Variants in WDHD1 observed in about 807,000 individuals in gnomAD.
WDHD1 encodes the protein WD repeat and HMG-box DNA binding protein 1, also known as WD repeat and HMG-box DNA-binding protein 1.
Under a neutral mutation model 135.4 loss-of-function variants are expected in WDHD1, and 111 were observed. The ratio of observed to expected loss-of-function variants is 0.82; its 90% CI spans 0.70 to 0.96. The LOEUF (loss-of-function observed/expected upper bound fraction) is 0.96, where lower values mean the gene tolerates loss of function less well. Ranked by LOEUF, WDHD1 falls within the 40% of genes least tolerant of loss-of-function variation. The pLI, the probability that WDHD1 is intolerant of heterozygous loss-of-function variation, is 0.00. For missense variants in WDHD1, 1,351 were observed against 1,336.3 expected (o/e 1.01, Z -0.17); for synonymous variants, 434 against 439.0 (o/e 0.99, Z 0.14).
intron 24 of WDHD1, among the ~76,000 whole-genome samples, chr14:54,953,416 A>G (rs2041096645): frequency 6.6e-6 from 1 of 152,224 alleles, no homozygotes; most frequent in Non-Finnish European, 1.5e-5. Context: ...TCAAAACCAC[A>G]GTGAGAAACC....
intron 5 of WDHD1, 53 bp from the exon 6 acceptor site, chr14:55,008,419 G>C (rs552298570): frequency 3.6e-4 from 561 of 1,560,562 alleles, no homozygotes; most frequent in Non-Finnish European, 4.6e-4. Flanking sequence ...ATACTACATG[G>C]AAAGTGGTTC....
In WDHD1 at chr14:55,011,524, C is replaced by CAAAA. The variant is rs60615259; in HGVS notation, c.190-1068_190-1065dup. On this transcript the variant is annotated intron_variant, in intron 3 of 25. Transcript: ENST00000360586. ...AGGCAACAAGAGTGAAACTCTGTCT[C>CAAAA]AAAAAAAAAAAAAAAAAAAAAAAAA... is the stretch of plus-strand genomic sequence containing the variant. 5.7e-3 allele frequency among the ~76,000 whole-genome samples: 289 copies of CAAAA among 50,972 alleles called. 43 individuals are homozygous for CAAAA. The highest frequency in any genetic ancestry group is 0.014 in the African/African-American group (170 of 12,330). 33.4% of individuals were successfully genotyped at this position (50,972 alleles called of 152,430 possible).
chr14:55,016,237 G>C (rs1054961720), intron 2 of WDHD1, among the ~76,000 whole-genome samples: 2 of 152,044 alleles, frequency 1.3e-5, no homozygotes, highest in African/African-American at 4.8e-5. Context: ...TTTATTGATT[G>C]CTATGCTTTT....
At chr14:55,019,757 T>C (rs2042315479) in intron 2 of WDHD1, among the ~76,000 whole-genome samples, 1 of 152,112 alleles carries the variant, frequency 6.6e-6, no homozygotes, top group South Asian at 2.1e-4. Flanking sequence ...TGATCCCAGC[T>C]ACTTGGGAGG....
At chr14:54,957,767 TAAC>T in intron 21 of WDHD1, 132 bp from the exon 22 acceptor site, 1 of 670,798 alleles carries the variant, frequency 1.5e-6, no homozygotes, top group Non-Finnish European at 2.5e-6. Context: ...TCAAAACTAT[TAAC>T]AACAGATATC....
At chr14:54,964,595 C>T (rs549200128) in intron 18 of WDHD1, among the ~76,000 whole-genome samples, 23 of 151,176 alleles carry the variant, frequency 1.5e-4, no homozygotes, top group Non-Finnish European at 2.5e-4. Flanking sequence ...GCAGAGATCG[C>T]GCCACTGCAC....
intron 8 of WDHD1, among the ~76,000 whole-genome samples, chr14:55,001,552 T>C (rs2041981178): frequency 6.6e-6 from 1 of 152,196 alleles, no homozygotes. Flanking sequence ...CATGAGCCAC[T>C]GTGCCCAGCC....
At chr14:54,981,480 A>G (rs2041617917) in intron 16 of WDHD1, 60 bp downstream of exon 16, 2 of 1,535,212 alleles carry the variant, frequency 1.3e-6, no homozygotes, top group Admixed American at 1.9e-5. Context: ...GGGCCTCATA[A>G]AAAGAATTTC....
chr14:54,965,581 T>C (rs2041327200), intron 18 of WDHD1, among the ~76,000 whole-genome samples: 1 of 152,184 alleles, frequency 6.6e-6, no homozygotes, highest in Non-Finnish European at 1.5e-5. Flanking sequence ...CGTTAAAACA[T>C]AGACTGATGG....
At chr14:55,018,819 G>A (rs910180373) in intron 2 of WDHD1, among the ~76,000 whole-genome samples, 1 of 152,028 alleles carries the variant, frequency 6.6e-6, no homozygotes, top group Non-Finnish European at 1.5e-5. Context: ...ACTTTGGGAG[G>A]CGAGACCAGC....
intron 2 of WDHD1, among the ~76,000 whole-genome samples, chr14:55,014,740 CA>C (rs1001731114): frequency 2.7e-4 from 41 of 150,754 alleles, no homozygotes; most frequent in African/African-American, 9.7e-4. Context: ...TAATAAACAG[CA>C]AAAAAAATCT....
At chr14:54,962,418 G>T in intron 21 of WDHD1, 80 bp downstream of exon 21, 2 of 1,044,432 alleles carry the variant, frequency 1.9e-6, no homozygotes, top group East Asian at 4.7e-5. Context: ...TAAGAGTTAA[G>T]GTGTATTTGC....
intron 14 of WDHD1, among the ~76,000 whole-genome samples, chr14:54,985,803 T>G (rs949827993): frequency 2.6e-5 from 4 of 152,160 alleles, no homozygotes; most frequent in Non-Finnish European, 4.4e-5. Flanking sequence ...ATTGACATGA[T>G]GATATAATTT....
At chr14:54,997,614 A>C (rs2041904671) in intron 10 of WDHD1, among the ~76,000 whole-genome samples, 1 of 152,138 alleles carries the variant, frequency 6.6e-6, no homozygotes, top group African/African-American at 2.4e-5. Flanking sequence ...GGATTTTCTA[A>C]TTAAAAAAAA....
intron 24 of WDHD1, among the ~76,000 whole-genome samples, chr14:54,945,559 G>C (rs1288480062): frequency 6.6e-6 from 1 of 152,052 alleles, no homozygotes; most frequent in Non-Finnish European, 1.5e-5. Flanking sequence ...TTTTTTTGTA[G>C]AGATGGAGTC....
chr14:55,018,003 C>CA (rs2042287853), intron 2 of WDHD1, among the ~76,000 whole-genome samples: 1 of 152,096 alleles, frequency 6.6e-6, no homozygotes, highest in African/African-American at 2.4e-5. Flanking sequence ...CCTCCCACCT[C>CA]AGCAGCGCAC....
intron 9 of WDHD1, 33 bp from the exon 10 acceptor site, chr14:55,000,677 G>A (rs1380525533): frequency 2.0e-6 from 3 of 1,471,922 alleles, no homozygotes; most frequent in Non-Finnish European, 1.8e-6. Flanking sequence ...TAAAAATACT[G>A]TCAAGAAAAA....
intron 14 of WDHD1, 90 bp from the exon 15 acceptor site, chr14:54,984,950 TA>T: frequency 6.6e-7 from 1 of 1,524,194 alleles, no homozygotes; most frequent in Non-Finnish European, 8.9e-7. Context: ...GATTTTGTGG[TA>T]AATTACTAGA....
At chr14:54,968,211 T>G (rs1043068956) in intron 16 of WDHD1, among the ~76,000 whole-genome samples, 1 of 152,068 alleles carries the variant, frequency 6.6e-6, no homozygotes, top group Non-Finnish European at 1.5e-5. Context: ...ATACTGAGGA[T>G]CTCTCAGAAC....
Sources: gnomAD v4.1 joint callset for allele counts (sites outside exome capture counted in the v4.1 genomes callset) on GRCh38, gnomAD v4.1.1 for gene constraint, MANE v1.5 for transcripts, NCBI Gene and HGNC (gene_info 2026-07-23, HGNC 2026-07-21) for gene names.